GPR161: variants seen among roughly 807,000 people sequenced by gnomAD.
The protein encoded by GPR161 is G protein-coupled receptor 161, also known as G-protein coupled receptor RE2.
GPR161 carries 25 observed loss-of-function variants against 39.2 expected under a neutral mutation model. The ratio of observed to expected loss-of-function variants is 0.64; its 90% confidence interval spans 0.47 to 0.89. The LOEUF (loss-of-function observed/expected upper bound fraction) is 0.89, where lower values mean the gene tolerates loss of function less well. GPR161 is among the 40% of genes least tolerant of loss of function. GPR161 has a pLI of 0.00. For missense variants in GPR161, 547 were observed against 677.8 expected (o/e 0.81, Z 2.14); for synonymous variants, 286 against 276.6 (o/e 1.03, Z -0.34).
chr1:168,079,665 A>ACTT lies in GPR161; in HGVS notation c.*5863_*5865dup, dbSNP rs1693931230. 1.3e-5 allele frequency: 2 copies of ACTT among 152,216 alleles called. No individual in the cohort carries two copies. The highest frequency in any genetic ancestry group is 6.5e-5 in the Admixed American group (1 of 15,290). The allele number at this position is 152,216 out of a possible 1,614,324, so 9.4% of individuals were successfully genotyped here. ...TTAACCTTAAAAAAATCATCCAAAGACTTCAAGTTAAATATATTTCAGGAT... is the reference window on the plus strand; with the variant it reads ...TTAACCTTAAAAAAATCATCCAAAGACTTCTTCAAGTTAAATATATTTCAGGAT... On this transcript the variant is annotated 3_prime_UTR_variant, in exon 6 of 6. Transcript: ENST00000682931.
chr1:168,093,855 C>T (rs1337433414), intron 3 of GPR161, among the ~76,000 whole-genome samples: 1 of 152,226 alleles, frequency 6.6e-6, no homozygotes, highest in African/African-American at 2.4e-5. Context: ...GCGCCACATT[C>T]TGCTTTGGTT....
chr1:168,103,509 G>A (rs1435837791), intron 2 of GPR161, among the ~76,000 whole-genome samples: 1 of 151,784 alleles, frequency 6.6e-6, no homozygotes, highest in Non-Finnish European at 1.5e-5. Flanking sequence ...CAGCCACAAA[G>A]AGCTGCCAGA....
At chr1:168,105,430 C>T (rs1223685583) in intron 1 of GPR161, among the ~76,000 whole-genome samples, 1 of 152,216 alleles carries the variant, frequency 6.6e-6, no homozygotes, top group Non-Finnish European at 1.5e-5. Flanking sequence ...GAGGCAGAAC[C>T]TCAGGCTCCG....
chr1:168,087,752 T>C (rs1558086313), intron 4 of GPR161, 48 bp from the exon 5 acceptor site: 1 of 1,556,060 alleles, frequency 6.4e-7, no homozygotes, highest in South Asian at 1.2e-5. Flanking sequence ...TCTAAAGTCC[T>C]CCTGGCCTCT....
At chr1:168,122,026 G>A (rs893396148) in intron 1 of GPR161, among the ~76,000 whole-genome samples, 1 of 152,234 alleles carries the variant, frequency 6.6e-6, no homozygotes, top group Non-Finnish European at 1.5e-5. Flanking sequence ...CCCATGCTCA[G>A]ATGGAGAGAA....
intron 1 of GPR161, among the ~76,000 whole-genome samples, chr1:168,115,238 C>CT (rs1273841362): frequency 2.0e-5 from 3 of 152,134 alleles, no homozygotes; most frequent in African/African-American, 7.2e-5. Flanking sequence ...AAGACAGTCA[C>CT]TTTTTTCCTT....
rs139235778 is a variant in GPR161, at chr1:168,080,709, T to G, written c.*4822A>C. On this transcript the variant is annotated 3_prime_UTR_variant, in exon 6 of 6. Coordinates refer to ENST00000682931, the MANE Select transcript of GPR161 (RefSeq NM_001375883.1). ...GGGCATTTCTCAGGGAGAATGTCCTTTCTGGACTGTAAGGAAGGTCAAGCT... is the reference window on the plus strand; with the variant it reads ...GGGCATTTCTCAGGGAGAATGTCCTGTCTGGACTGTAAGGAAGGTCAAGCT... The G allele has an allele frequency of 6.6e-6, 1 of 152,322 alleles. No individual in the cohort carries two copies. The highest frequency in any genetic ancestry group is 1.5e-5 in the Non-Finnish European group (1 of 68,048). The allele number at this position is 152,322 out of a possible 1,614,324, so 9.4% of individuals were successfully genotyped here. A position where few individuals can be genotyped will look rare whatever the true frequency, so the allele number is the denominator to read the frequency against.
chr1:168,101,607 A>G (rs1256716849), intron 2 of GPR161, among the ~76,000 whole-genome samples: 6 of 152,286 alleles, frequency 3.9e-5, no homozygotes, highest in Non-Finnish European at 7.4e-5. Flanking sequence ...GACCTTGGGC[A>G]AGTTACTTAA....
intron 1 of GPR161, among the ~76,000 whole-genome samples, chr1:168,124,986 C>T (rs750876861): frequency 2.0e-4 from 31 of 152,310 alleles, no homozygotes; most frequent in South Asian, 6.2e-4. Flanking sequence ...TTATAAATTA[C>T]CCAGCCTCAT....
intron 1 of GPR161, among the ~76,000 whole-genome samples, chr1:168,116,033 T>C (rs973832295): frequency 4.6e-5 from 7 of 152,168 alleles, no homozygotes; most frequent in African/African-American, 1.7e-4. Flanking sequence ...CACCTCGGCC[T>C]CCCAAAGTGC....
At chr1:168,102,608 G>A (rs149617466) in intron 2 of GPR161, among the ~76,000 whole-genome samples, 18 of 152,236 alleles carry the variant, frequency 1.2e-4, no homozygotes, top group African/African-American at 4.1e-4. Context: ...ATGCTTGCTG[G>A]TAGAAAATCT....
In GPR161 at chr1:168,104,749, G is replaced by C. The variant is rs758486766; in HGVS notation, c.102C>G (p.Ile34Met). 6.2e-7 allele frequency: 1 copy of C among 1,614,112 alleles called. No homozygotes were observed. Among genetic ancestry groups the C allele is most frequent in the Non-Finnish European group, 8.5e-7 (1 of 1,180,002 alleles). The change falls in exon 2 of 6, where the codon ATC becomes ATG. Residue 34 changes from isoleucine (I) to methionine (M), a missense_variant. Ile to Met is a conservative substitution (Grantham distance 10, BLOSUM62 1). Coordinates refer to ENST00000682931, the MANE Select transcript of GPR161 (RefSeq NM_001375883.1). ...GGVIITQFIA[I>M]IVITIFVCLG... ...GGCAGACAAAAATGGTGATGACAAT[G>C]ATGGCGATGAACTGGGTGATGATGA...
In GPR161 at chr1:168,104,736, T is replaced by C. The variant is rs757451895; in HGVS notation, c.115A>G (p.Ile39Val). ...TQFIAIIVITIFVCLGNLVIV... is the reference protein window; with the variant it reads ...TQFIAIIVITVFVCLGNLVIV... ...ACCAGGTTTCCCAGGCAGACAAAAA[T>C]GGTGATGACAATGATGGCGATGAAC... Residue 39 changes from isoleucine (I) to valine (V), a missense_variant, in exon 2 of 6, where the codon ATT becomes GTT. Coordinates refer to ENST00000682931, the MANE Select transcript of GPR161 (RefSeq NM_001375883.1). 8.7e-6 allele frequency: 14 copies of C among 1,613,832 alleles called. No individual in the cohort carries two copies. Among genetic ancestry groups the C allele is most frequent in the Non-Finnish European group, 1.2e-5 (14 of 1,179,974 alleles).
intron 1 of GPR161, among the ~76,000 whole-genome samples, chr1:168,125,623 C>G (rs562013602): frequency 9.7e-4 from 133 of 137,166 alleles, no homozygotes; most frequent in Admixed American, 4.5e-3. Context: ...GCTTCCCCCC[C>G]CTTTTTTTTT....
intron 4 of GPR161, 67 bp from the exon 5 acceptor site, chr1:168,087,771 C>T: frequency 6.8e-7 from 1 of 1,477,082 alleles, no homozygotes; most frequent in East Asian, 2.3e-5. Flanking sequence ...CTTCTCCCCT[C>T]TCAACACCCC....
At position 168,080,675 on chromosome 1, in the gene GPR161, AG is replaced by A. The variant is rs1694003421; in HGVS notation, c.*4855del. The stretch of plus-strand genomic sequence containing the variant: ...GTCACTACAGGACAGAGCTGTCCTC[AG>A]CAACCAAGGGCATTTCTCAGGGAGA... On this transcript the variant is annotated 3_prime_UTR_variant, in exon 6 of 6. Transcript: ENST00000682931. 1.3e-5 allele frequency: 2 copies of A among 152,218 alleles called. No individual in the cohort carries two copies. Among genetic ancestry groups the A allele is most frequent in the Non-Finnish European group, 2.9e-5 (2 of 68,062 alleles). 9.4% of individuals were successfully genotyped at this position (152,218 alleles called of 1,614,324 possible).
intron 2 of GPR161, among the ~76,000 whole-genome samples, chr1:168,099,472 C>T (rs916202913): frequency 6.6e-6 from 1 of 152,210 alleles, no homozygotes; most frequent in African/African-American, 2.4e-5. Flanking sequence ...GGCCTCCTTC[C>T]ACCGACTCTG....
At chr1:168,119,285 TATACAC>T (rs1461481755) in intron 1 of GPR161, among the ~76,000 whole-genome samples, 1 of 140,400 alleles carries the variant, frequency 7.1e-6, no homozygotes, top group East Asian at 2.0e-4. Flanking sequence ...TATATATATA[TATACAC>T]ATATATACAT....
At position 168,136,867 on chromosome 1, in the gene GPR161, C is replaced by T. The variant is rs1699423017; in HGVS notation, c.-173G>A. 2.4e-5 allele frequency: 24 copies of T among 982,184 alleles called. No individual in the cohort carries two copies. Among genetic ancestry groups the T allele is most frequent in the Non-Finnish European group, 2.9e-5 (24 of 828,660 alleles). The allele number at this position is 982,184 out of a possible 1,614,324, so 60.8% of individuals were successfully genotyped here. On this transcript the variant is annotated 5_prime_UTR_variant, in exon 1 of 6. Coordinates refer to ENST00000682931, the MANE Select transcript of GPR161 (RefSeq NM_001375883.1). ...AGGTTTCGGGTTTCAGCCCACCGAG[C>T]CCCGCTTCGCTCCTCCCGCGGGCCA...
Sources: gnomAD v4.1 joint callset for allele counts (sites outside exome capture counted in the v4.1 genomes callset) on GRCh38, gnomAD v4.1.1 for gene constraint, MANE v1.5 for transcripts, NCBI Gene and HGNC (gene_info 2026-07-23, HGNC 2026-07-21) for gene names.